RABGAP1L: variants seen among roughly 807,000 people sequenced by gnomAD.
The protein encoded by RABGAP1L is rab GTPase-activating protein 1-like.
Under a neutral mutation model 137.7 loss-of-function variants are expected in RABGAP1L, and 63 were observed. The ratio of observed to expected loss-of-function variants is 0.46; its 90% CI spans 0.37 to 0.56. RABGAP1L has a LOEUF of 0.56. Among genes scored for constraint, RABGAP1L ranks in the 20% least tolerant of loss-of-function variants. RABGAP1L has a pLI of 0.00. For missense variants in RABGAP1L, 1,095 were observed against 1,244.0 expected (o/e 0.88, Z 1.80); for synonymous variants, 431 against 433.7 (o/e 0.99, Z 0.08).
chr1:174,516,953 A>G (rs1662919465), intron 13 of RABGAP1L, among the ~76,000 whole-genome samples: 1 of 150,654 alleles, frequency 6.6e-6, no homozygotes, highest in African/African-American at 2.4e-5. Flanking sequence ...ATAAATAAAT[A>G]AATAAATAAA....
chr1:174,566,258 G>A (rs151169929), intron 13 of RABGAP1L, among the ~76,000 whole-genome samples: 50 of 152,220 alleles, frequency 3.3e-4, no homozygotes, highest in Middle Eastern at 3.4e-3. Context: ...GGTGGGAGAC[G>A]GAGAAAGATC....
intron 19 of RABGAP1L, among the ~76,000 whole-genome samples, chr1:174,848,814 C>A (rs1451770688): frequency 2.6e-5 from 4 of 151,378 alleles, no homozygotes; most frequent in Admixed American, 2.6e-4. Context: ...ATGGCGGGCG[C>A]CCCTCCCCCA....
At chr1:174,889,055 T>C (rs1006358825) in intron 19 of RABGAP1L, among the ~76,000 whole-genome samples, 1 of 152,196 alleles carries the variant, frequency 6.6e-6, no homozygotes, top group African/African-American at 2.4e-5. Context: ...GGTTAGAGTC[T>C]AGCTGAGTAC....
At chr1:174,779,976 G>T (rs1260653077) in intron 18 of RABGAP1L, among the ~76,000 whole-genome samples, 1 of 151,898 alleles carries the variant, frequency 6.6e-6, no homozygotes, top group Non-Finnish European at 1.5e-5. Flanking sequence ...TGAGGCAGGA[G>T]AATTGCTTGA....
At chr1:174,476,488 C>CT (rs1312770174) in intron 13 of RABGAP1L, among the ~76,000 whole-genome samples, 1 of 151,968 alleles carries the variant, frequency 6.6e-6, no homozygotes, top group Admixed American at 6.6e-5. Context: ...TTTATGAATT[C>CT]TTTAATATTA....
At chr1:174,948,953 TACA>T (rs1337026820) in intron 19 of RABGAP1L, 1 of 152,230 alleles carries the variant, frequency 6.6e-6, no homozygotes, top group African/African-American at 2.4e-5. Flanking sequence ...CCACCTGTAC[TACA>T]ATAAGCACAA....
At chr1:174,628,311 A>T (rs1673071809) in intron 13 of RABGAP1L, among the ~76,000 whole-genome samples, 1 of 152,224 alleles carries the variant, frequency 6.6e-6, no homozygotes, top group Non-Finnish European at 1.5e-5. Flanking sequence ...TGGTTTCATA[A>T]TCATAATGTA....
chr1:174,466,264 A>G (rs1370535750), intron 13 of RABGAP1L, among the ~76,000 whole-genome samples: 1 of 152,224 alleles, frequency 6.6e-6, no homozygotes, highest in Non-Finnish European at 1.5e-5. Context: ...ATAGATTTAG[A>G]AAGCTTATGT....
Position 174,683,604 on chromosome 1 carries a change from A to G in RABGAP1L, c.1899+8A>G. On this transcript the variant is annotated splice_region_variant and intron_variant, in intron 15 of 25. Coordinates refer to ENST00000681986, the MANE Select transcript of RABGAP1L (RefSeq NM_001366446.1). ...GCTGTATTACTGCTGCATGTAAGTAATGGTCCGTGTGATAAATAGCACAGT... is the reference window on the plus strand; with the variant it reads ...GCTGTATTACTGCTGCATGTAAGTAGTGGTCCGTGTGATAAATAGCACAGT... 3.1e-6 allele frequency: 5 copies of G among 1,594,516 alleles called. No homozygotes were observed. Among genetic ancestry groups the G allele is most frequent in the Non-Finnish European group, 4.3e-6 (5 of 1,162,386 alleles).
rs7554306 is a variant in RABGAP1L at position 174,758,774 on chromosome 1, C to T, written c.2211+6420C>T. Among the ~76,000 whole-genome samples the T allele has an allele frequency of 9.2e-3, 1,404 of 152,144 alleles. 23 individuals carry two copies. Among genetic ancestry groups the T allele is most frequent in the African/African-American group, 0.032 (1,334 of 41,498 alleles). On this transcript the variant is annotated intron_variant, in intron 18 of 25. Coordinates refer to ENST00000681986, the MANE Select transcript of RABGAP1L (RefSeq NM_001366446.1). ...ATATTTGGCTGTGGACTGAACATGT[C>T]GGCTTGGATGTTTCACAGGCACATC...
chr1:174,672,186 T>G (rs1441949102), intron 14 of RABGAP1L, among the ~76,000 whole-genome samples: 2 of 151,990 alleles, frequency 1.3e-5, no homozygotes, highest in Non-Finnish European at 2.9e-5. Flanking sequence ...CTTTTTTATC[T>G]CTGATTTTGA....
intron 19 of RABGAP1L, among the ~76,000 whole-genome samples, chr1:174,893,707 A>C (rs966525216): frequency 1.3e-5 from 2 of 152,156 alleles, no homozygotes; most frequent in Non-Finnish European, 2.9e-5. Flanking sequence ...GGTACTTCCT[A>C]ATCAGGATCT....
chr1:174,988,278 GCTTA>G (rs1352079707), intron 24 of RABGAP1L, among the ~76,000 whole-genome samples: 2 of 152,128 alleles, frequency 1.3e-5, no homozygotes, highest in Non-Finnish European at 2.9e-5. Flanking sequence ...TGATGATAGT[GCTTA>G]CTTATACAGT....
chr1:174,472,731 C>G (rs1658080410), intron 13 of RABGAP1L, among the ~76,000 whole-genome samples: 2 of 152,154 alleles, frequency 1.3e-5, no homozygotes, highest in South Asian at 4.1e-4. Context: ...CATAGGCACC[C>G]TTTGCCTAGA....
chr1:174,325,738 A>G (rs1680383814), intron 11 of RABGAP1L, among the ~76,000 whole-genome samples: 1 of 152,178 alleles, frequency 6.6e-6, no homozygotes, highest in South Asian at 2.1e-4. Flanking sequence ...GGGCCCAACC[A>G]TCTGAGGCCA....
chr1:174,642,206 AAT>A (rs1171831740), intron 14 of RABGAP1L, among the ~76,000 whole-genome samples: 1 of 152,188 alleles, frequency 6.6e-6, no homozygotes, highest in Non-Finnish European at 1.5e-5. Context: ...GGAGAGATTG[AAT>A]ATATTATACA....
At chr1:174,969,502 G>A (rs377112014) in intron 21 of RABGAP1L, 115 bp downstream of exon 21, 6 of 757,156 alleles carry the variant, frequency 7.9e-6, no homozygotes, top group South Asian at 6.6e-5. Context: ...GAATGGACAA[G>A]TGGCAGGGAC....
At chr1:174,238,676 T>C (rs1482249271) in intron 4 of RABGAP1L, 1 of 150,354 alleles carries the variant, frequency 6.7e-6, no homozygotes, top group East Asian at 1.9e-4. Context: ...TTCAAAGCTG[T>C]CAGACAGGGA....
intron 7 of RABGAP1L, among the ~76,000 whole-genome samples, chr1:174,268,189 C>G (rs1003542203): frequency 6.6e-5 from 10 of 151,136 alleles, no homozygotes; most frequent in African/African-American, 2.4e-4. Flanking sequence ...TTCTATTATG[C>G]TGTCACTTTT....
Sources: allele counts gnomAD v4.1 joint callset (sites outside exome capture counted in the v4.1 genomes callset), GRCh38; gene constraint gnomAD v4.1.1; transcripts MANE v1.5; gene names NCBI Gene and HGNC (gene_info 2026-07-23, HGNC 2026-07-21).